The following VKORC1L1 variants were observed in gnomAD, a reference collection of about 807,000 sequenced individuals.
VKORC1L1 encodes vitamin K epoxide reductase complex subunit 1-like protein 1.
A neutral mutation model predicts 18.9 loss-of-function variants in VKORC1L1; 2 were observed. The observed-to-expected ratio is 0.11, with a 90% confidence interval of 0.04 to 0.33. VKORC1L1 has a LOEUF of 0.33. Among genes scored for constraint, VKORC1L1 ranks in the 10% least tolerant of loss-of-function variants. The pLI is 1.00. For synonymous variants in VKORC1L1, 96 were observed against 100.0 expected, an observed-to-expected ratio of 0.96 and a Z score of 0.24; for missense variants, 123 against 224.1, an observed-to-expected ratio of 0.55 and a Z score of 2.88.
At chr7:65,873,876 C>T (rs943711353) in intron 1 of VKORC1L1, among the ~76,000 whole-genome samples, 9 of 151,332 alleles carry the variant, frequency 5.9e-5, no homozygotes, top group South Asian at 2.1e-4. Flanking sequence ...CCCGGCTGTG[C>T]AGGAGCGCGA....
At chr7:65,871,149 G>A (rs1470990762), upstream of VKORC1L1, among the ~76,000 whole-genome samples, 7 of 152,076 alleles carry the variant, frequency 4.6e-5, no homozygotes, top group Non-Finnish European at 1.0e-4. Context: ...CTCCCTCTGA[G>A]CATGGGCTGG....
chr7:65,892,789 A>G (rs35850374), intron 1 of VKORC1L1, among the ~76,000 whole-genome samples: 78,520 of 151,960 alleles, frequency 0.52, 21,250 homozygotes, highest in East Asian at 0.81. Context: ...TCAGGTAGTT[A>G]TGTATACCAG....
At chr7:65,945,757 C>T (rs1790110799) in intron 1 of VKORC1L1, among the ~76,000 whole-genome samples, 1 of 152,112 alleles carries the variant, frequency 6.6e-6, no homozygotes, top group East Asian at 1.9e-4. Context: ...GCATGTATAA[C>T]TTTGATAATA....
intron 1 of VKORC1L1, among the ~76,000 whole-genome samples, chr7:65,904,980 C>A (rs1230772441): frequency 6.6e-6 from 1 of 151,644 alleles, no homozygotes; most frequent in African/African-American, 2.4e-5. Flanking sequence ...TGTATATATA[C>A]ATGCACGTGT....
At chr7:65,890,859 G>A (rs957325415) in intron 1 of VKORC1L1, among the ~76,000 whole-genome samples, 2 of 152,140 alleles carry the variant, frequency 1.3e-5, no homozygotes, top group African/African-American at 4.8e-5. Flanking sequence ...AAACAAAAAT[G>A]TACAGCCTGA....
intron 1 of VKORC1L1, among the ~76,000 whole-genome samples, chr7:65,900,258 C>T (rs1396563523): frequency 1.1e-4 from 16 of 148,638 alleles, no homozygotes; most frequent in African/African-American, 3.0e-4. Context: ...GGCGTGGTGG[C>T]GGGCACCTGT....
rs1788802867 is a variant in VKORC1L1 at position 65,875,050 on chromosome 7, T to C, written c.194+1485T>C. On this transcript the variant is annotated intron_variant, in intron 1 of 2. Coordinates refer to ENST00000360768, the MANE Select transcript of VKORC1L1 (RefSeq NM_173517.6). Reference sequence around the variant, plus strand: ...TGTGACTGAAAGTGATGTTTCATTGTGTAGCTGTGGACATAAAATAGTTTA... The same window carrying C: ...TGTGACTGAAAGTGATGTTTCATTGCGTAGCTGTGGACATAAAATAGTTTA... 2.0e-5 allele frequency among the ~76,000 whole-genome samples: 3 copies of C among 152,326 alleles called. No individual in the cohort carries two copies. In the South Asian group the frequency reaches 6.2e-4, roughly 32 times the overall value.
chr7:65,947,435 A>G (rs930841728), intron 1 of VKORC1L1, among the ~76,000 whole-genome samples: 1 of 138,442 alleles, frequency 7.2e-6, no homozygotes, highest in East Asian at 2.1e-4. Context: ...TTTTTTTAGT[A>G]TTTAAGAAGC....
At chr7:65,896,661 A>G (rs1450992114) in intron 1 of VKORC1L1, among the ~76,000 whole-genome samples, 7 of 150,952 alleles carry the variant, frequency 4.6e-5, no homozygotes, top group Admixed American at 6.7e-5. Flanking sequence ...TCATCATTCA[A>G]CTTGAGCCCT....
chr7:65,871,385 G>A (rs565772169), upstream of VKORC1L1, among the ~76,000 whole-genome samples: 1 of 151,924 alleles, frequency 6.6e-6, no homozygotes. Context: ...TAGTAGAGAC[G>A]GGGTTTCACC....
At chr7:65,928,216 C>T (rs1003861810) in intron 1 of VKORC1L1, among the ~76,000 whole-genome samples, 1 of 149,314 alleles carries the variant, frequency 6.7e-6, no homozygotes, top group African/African-American at 2.5e-5. Context: ...CTATTAGCAT[C>T]AACATCAAAA....
chr7:65,870,005 ATAAT>A (rs975835200), upstream of VKORC1L1, among the ~76,000 whole-genome samples: 17 of 151,990 alleles, frequency 1.1e-4, no homozygotes, highest in South Asian at 2.1e-4. Flanking sequence ...TAGTGGTGAA[ATAAT>A]TAACCTCTGT....
intron 1 of VKORC1L1, among the ~76,000 whole-genome samples, chr7:65,899,801 AC>A (rs1354104135): frequency 6.6e-6 from 1 of 151,920 alleles, no homozygotes; most frequent in East Asian, 1.9e-4. Context: ...GGAGTTTGAG[AC>A]CAGCCTGACC....
intron 1 of VKORC1L1, among the ~76,000 whole-genome samples, chr7:65,905,987 G>T (rs371633881): frequency 6.6e-6 from 1 of 151,774 alleles, no homozygotes; most frequent in Non-Finnish European, 1.5e-5. Flanking sequence ...TTCTCTTCCT[G>T]CCCCTTTTCT....
chr7:65,894,929 T>C (rs1315766549), intron 1 of VKORC1L1, among the ~76,000 whole-genome samples: 3 of 152,098 alleles, frequency 2.0e-5, no homozygotes, highest in Non-Finnish European at 4.4e-5. Flanking sequence ...AAATGAAAGA[T>C]ATTTCTGAAA....
At chr7:65,915,593 C>T (rs1789575415) in intron 1 of VKORC1L1, among the ~76,000 whole-genome samples, 1 of 151,588 alleles carries the variant, frequency 6.6e-6, no homozygotes. Context: ...TGTAATTCTC[C>T]CTTCGTCTCT....
chr7:65,899,688 A>C (rs1240899285), intron 1 of VKORC1L1, among the ~76,000 whole-genome samples: 1 of 152,032 alleles, frequency 6.6e-6, no homozygotes, highest in African/African-American at 2.4e-5. Flanking sequence ...GAGTTACGAG[A>C]TAGAAATGGG....
At chr7:65,922,471 AC>A in intron 1 of VKORC1L1, among the ~76,000 whole-genome samples, 1 of 152,110 alleles carries the variant, frequency 6.6e-6, no homozygotes, top group Non-Finnish European at 1.5e-5. Context: ...TTTACTAGAG[AC>A]GGGGCTTTGC....
chr7:65,914,907 G>T (rs1371672034), intron 1 of VKORC1L1, among the ~76,000 whole-genome samples: 1 of 152,084 alleles, frequency 6.6e-6, no homozygotes, highest in African/African-American at 2.4e-5. Flanking sequence ...ATGGGAAGCT[G>T]AGGTGAGAAA....
Sources: gnomAD v4.1 joint callset for allele counts (sites outside exome capture counted in the v4.1 genomes callset) on GRCh38, gnomAD v4.1.1 for gene constraint, MANE v1.5 for transcripts, NCBI Gene and HGNC (gene_info 2026-07-23, HGNC 2026-07-21) for gene names.